The following PDE10A variants were observed in gnomAD, a reference collection of about 807,000 sequenced individuals.
The protein encoded by PDE10A is phosphodiesterase 10A, also known as cAMP and cAMP-inhibited cGMP 3',5'-cyclic phosphodiesterase 10A.
Under a neutral mutation model 97.7 loss-of-function variants are expected in PDE10A, and 39 were observed. The observed-to-expected ratio is 0.40, with a 90% CI of 0.31 to 0.52. The LOEUF is 0.52. Ranked by LOEUF, PDE10A falls within the 20% of genes least tolerant of loss-of-function variation. PDE10A has a pLI of 0.56. For synonymous variants in PDE10A, 371 were observed against 376.8 expected, an observed-to-expected ratio of 0.98 and a Z score of 0.18; for missense variants, 731 against 1,047.8, an observed-to-expected ratio of 0.70 and a Z score of 4.17.
intron 1 of PDE10A, among the ~76,000 whole-genome samples, chr6:165,768,675 G>A (rs1398598578): frequency 6.6e-6 from 1 of 152,070 alleles, no homozygotes; most frequent in Non-Finnish European, 1.5e-5. Context: ...GAAATTCAAA[G>A]AATACTAGGA....
At chr6:165,476,119 TA>T (rs982577193) in intron 3 of PDE10A, among the ~76,000 whole-genome samples, 8 of 138,686 alleles carry the variant, frequency 5.8e-5, no homozygotes, top group East Asian at 2.1e-4. Flanking sequence ...TAAATACATT[TA>T]AAAAAAAATC....
chr6:165,745,639 T>A (rs1019923891), intron 1 of PDE10A, among the ~76,000 whole-genome samples: 17 of 152,236 alleles, frequency 1.1e-4, no homozygotes, highest in Non-Finnish European at 1.8e-4. Flanking sequence ...AAACTCAAAC[T>A]TGGCTTATTA....
intron 1 of PDE10A, among the ~76,000 whole-genome samples, chr6:165,872,378 G>A (rs1454118098): frequency 6.6e-6 from 1 of 151,548 alleles, no homozygotes; most frequent in African/African-American, 2.4e-5. Context: ...TGTCACATGT[G>A]GTGGGTGTGG....
At chr6:165,823,524 A>ATATATATG (rs72442429) in intron 1 of PDE10A, among the ~76,000 whole-genome samples, 3,520 of 79,094 alleles carry the variant, frequency 0.045, 487 homozygotes, top group Non-Finnish European at 0.066. Flanking sequence ...ATATATATAT[A>ATATATATG]TGAACCTTAA....
At chr6:165,703,970 C>A (rs1248797190) in intron 1 of PDE10A, among the ~76,000 whole-genome samples, 4 of 152,238 alleles carry the variant, frequency 2.6e-5, no homozygotes, top group African/African-American at 9.6e-5. Context: ...ATGGAAAGTG[C>A]AGCTTCCAGC....
intron 1 of PDE10A, chr6:165,781,975 A>T (rs999417488): frequency 3.3e-5 from 5 of 152,238 alleles, no homozygotes; most frequent in Non-Finnish European, 7.3e-5. Flanking sequence ...TTTGGTTGTG[A>T]CATCAGCAAC....
intron 1 of PDE10A, among the ~76,000 whole-genome samples, chr6:165,870,465 T>G (rs1464374223): frequency 6.6e-6 from 1 of 152,114 alleles, no homozygotes; most frequent in Non-Finnish European, 1.5e-5. Flanking sequence ...CAAATGTTGG[T>G]GAGGATGCAG....
At chr6:165,749,242 AC>A (rs1792919401) in intron 1 of PDE10A, among the ~76,000 whole-genome samples, 1 of 72,644 alleles carries the variant, frequency 1.4e-5, no homozygotes, top group Non-Finnish European at 3.5e-5. Flanking sequence ...CACCACCATC[AC>A]ATCACCATCA....
chr6:165,881,575 T>TG (rs1781480392), intron 1 of PDE10A, among the ~76,000 whole-genome samples: 1 of 150,004 alleles, frequency 6.7e-6, no homozygotes, highest in African/African-American at 2.5e-5. Flanking sequence ...ATTTTTTTTT[T>TG]TTTTGTATTT....
At chr6:165,792,252 T>C (rs1402818923) in intron 1 of PDE10A, among the ~76,000 whole-genome samples, 2 of 152,200 alleles carry the variant, frequency 1.3e-5, no homozygotes, top group East Asian at 3.9e-4. Context: ...ACCCCTAAGA[T>C]GAGTCACCGT....
rs369536535 is a variant in PDE10A at position 165,611,144 on chromosome 6, T to C, written c.865+50803A>G. Among the ~76,000 whole-genome samples the C allele has an allele frequency of 2.6e-4, 40 of 152,022 alleles. 1 individual carries two copies. Among genetic ancestry groups the C allele is most frequent in the African/African-American group, 8.9e-4 (37 of 41,482 alleles). On this transcript the variant is annotated intron_variant, in intron 1 of 21. Coordinates refer to ENST00000539869, the MANE Select transcript of PDE10A (RefSeq NM_001385079.1). ...CTGCAAGAAACAAAAGCCCAATTCA[T>C]ACTAACAAGCAAAAAAACAAAAAGT...
chr6:165,825,053 G>A (rs1779690490), intron 1 of PDE10A, among the ~76,000 whole-genome samples: 1 of 149,932 alleles, frequency 6.7e-6, no homozygotes, highest in Non-Finnish European at 1.5e-5. Context: ...GGAGGCTGAG[G>A]CAGAGAACTG....
chr6:165,848,813 G>A (rs1780494218), intron 1 of PDE10A, among the ~76,000 whole-genome samples: 1 of 152,170 alleles, frequency 6.6e-6, no homozygotes, highest in African/African-American at 2.4e-5. Context: ...GGGGGAGGAA[G>A]GGTCAGCCTG....
At chr6:165,468,222 G>A (rs1420052080) in intron 3 of PDE10A, among the ~76,000 whole-genome samples, 1 of 151,912 alleles carries the variant, frequency 6.6e-6, no homozygotes, top group Non-Finnish European at 1.5e-5. Flanking sequence ...GGGATTGCAG[G>A]TGCCTACCAC....
At chr6:165,396,084 T>G (rs1423498112) in intron 14 of PDE10A, among the ~76,000 whole-genome samples, 1 of 152,190 alleles carries the variant, frequency 6.6e-6, no homozygotes, top group Non-Finnish European at 1.5e-5. Flanking sequence ...TTAGGTTAAC[T>G]CATTTCAAAA....
chr6:165,440,738 A>T (rs1054154760), intron 5 of PDE10A, among the ~76,000 whole-genome samples: 1 of 152,198 alleles, frequency 6.6e-6, no homozygotes, highest in African/African-American at 2.4e-5. Flanking sequence ...AATAAAAATA[A>T]CAAAACAACT....
At chr6:165,345,984 T>C (rs140732950) in intron 18 of PDE10A, among the ~76,000 whole-genome samples, 1 of 152,182 alleles carries the variant, frequency 6.6e-6, no homozygotes, top group Admixed American at 6.5e-5. Context: ...CAAGGCAGGT[T>C]TGAGGAACAA....
intron 1 of PDE10A, among the ~76,000 whole-genome samples, chr6:165,668,273 A>G (rs537537483): frequency 1.3e-5 from 2 of 152,228 alleles, no homozygotes; most frequent in Non-Finnish European, 2.9e-5. Context: ...CTGAAATTAT[A>G]AAAGATGGTA....
chr6:165,467,187 A>G (rs569542488), intron 3 of PDE10A, among the ~76,000 whole-genome samples: 1 of 152,372 alleles, frequency 6.6e-6, no homozygotes, highest in African/African-American at 2.4e-5. Context: ...TGAGGTTTAA[A>G]GAAAGAAGCC....
Sources: allele counts gnomAD v4.1 joint callset (sites outside exome capture counted in the v4.1 genomes callset), GRCh38; gene constraint gnomAD v4.1.1; transcripts MANE v1.5; gene names NCBI Gene and HGNC (gene_info 2026-07-23, HGNC 2026-07-21).